Variants in BCO2 observed in about 807,000 individuals in gnomAD.
BCO2 encodes carotenoid-cleaving dioxygenase, mitochondrial.
Under a neutral mutation model 65.8 loss-of-function variants are expected in BCO2, and 56 were observed. That is an observed-to-expected ratio of 0.85 (90% CI 0.69 to 1.06). The LOEUF is 1.06. Ranked by LOEUF, BCO2 falls within the 50% of genes least tolerant of loss-of-function variation. BCO2 has a pLI of 0.00. For synonymous variants in BCO2, 233 were observed against 242.3 expected (o/e 0.96, Z 0.36); for missense variants, 675 against 698.5 (o/e 0.97, Z 0.38).
intron 5 of BCO2, among the ~76,000 whole-genome samples, chr11:112,199,428 C>T (rs1213967183): frequency 6.6e-6 from 1 of 152,126 alleles, no homozygotes; most frequent in East Asian, 1.9e-4. Context: ...CTTAATGTTT[C>T]CTACGAATTA....
At chr11:112,203,860 T>G (rs1443502152) in intron 8 of BCO2, among the ~76,000 whole-genome samples, 2 of 152,188 alleles carry the variant, frequency 1.3e-5, no homozygotes. Context: ...TTTTTTTCTT[T>G]TCTTTTTTTT....
intron 2 of BCO2, among the ~76,000 whole-genome samples, chr11:112,180,595 G>T (rs868311918): frequency 1.4e-4 from 21 of 152,074 alleles, no homozygotes; most frequent in African/African-American, 5.1e-4. Context: ...AGGAGGACTG[G>T]CTGAGCCCTG....
intron 7 of BCO2, 73 bp from the exon 8 acceptor site, chr11:112,201,950 T>G: frequency 7.4e-7 from 1 of 1,346,900 alleles, no homozygotes; most frequent in Non-Finnish European, 1.0e-6. Context: ...TTTTTGGACC[T>G]GTTTCCTAAA....
intron 8 of BCO2, among the ~76,000 whole-genome samples, chr11:112,213,206 T>C (rs1320838385): frequency 3.0e-5 from 4 of 134,764 alleles, no homozygotes; most frequent in Non-Finnish European, 3.1e-5. Flanking sequence ...TGCAATGGCA[T>C]GATCTCGGCT....
intron 2 of BCO2, chr11:112,181,579 G>A (rs958666353): frequency 3.0e-5 from 23 of 754,768 alleles, no homozygotes; most frequent in Non-Finnish European, 5.2e-5. Context: ...TAATTTATTA[G>A]GTGTGTTAGA....
intron 8 of BCO2, among the ~76,000 whole-genome samples, chr11:112,211,958 A>G (rs539136836): frequency 7.2e-5 from 11 of 152,316 alleles, no homozygotes; most frequent in South Asian, 2.1e-4. Flanking sequence ...TGGGTTAGCT[A>G]TGGTTTTGCA....
intron 4 of BCO2, chr11:112,194,447 T>C: frequency 2.0e-6 from 1 of 508,766 alleles, no homozygotes; most frequent in Non-Finnish European, 3.4e-6. Context: ...TTGTTGTTAG[T>C]AGTGGTGATG....
In BCO2 at chr11:112,199,839, G is replaced by A. The variant is rs764781849; in HGVS notation, c.865+12G>A. The A allele has an allele frequency of 1.2e-6, 2 of 1,613,154 alleles. No homozygotes were observed. Among genetic ancestry groups the A allele is most frequent in the Non-Finnish European group, 1.7e-6 (2 of 1,179,674 alleles). ...CTACCATAGCTTTGGTGAGTCCAGA[G>A]ATAAGGCAAATTTCAGTGGGCTCTG... is the stretch of plus-strand genomic sequence containing the variant. On this transcript the variant is annotated intron_variant, in intron 6 of 11. Transcript: ENST00000357685.
rs142626539 is a variant in BCO2 at position 112,191,497 on chromosome 11, C to G, written c.294-1977C>G. ...ATTCAAACAAATGTAAAGACCATCC[C>G]CTGTTCTTGAATAGAGTGATTCAAC... On this transcript the variant is annotated intron_variant, in intron 2 of 11. Coordinates refer to ENST00000357685, the MANE Select transcript of BCO2 (RefSeq NM_031938.7). Among the ~76,000 whole-genome samples, 412 of 152,164 alleles carry G rather than the reference C, an allele frequency of 2.7e-3. 1 individual carries two copies. The highest frequency in any genetic ancestry group is 4.2e-3 in the Non-Finnish European group (285 of 67,980).
chr11:112,193,153 A>G (rs1009262590), intron 2 of BCO2, among the ~76,000 whole-genome samples: 2 of 150,810 alleles, frequency 1.3e-5, no homozygotes, highest in Middle Eastern at 6.8e-3. Context: ...AATTTTTTGT[A>G]TTTTTTAGTA....
At chr11:112,182,847 A>ATG in intron 2 of BCO2, 3 of 784,134 alleles carry the variant, frequency 3.8e-6, no homozygotes, top group Non-Finnish European at 6.2e-6. Flanking sequence ...GAACTTATAT[A>ATG]TATATAAAAA....
intron 8 of BCO2, among the ~76,000 whole-genome samples, chr11:112,212,130 T>A (rs1859529177): frequency 6.6e-6 from 1 of 152,232 alleles, no homozygotes; most frequent in Non-Finnish European, 1.5e-5. Context: ...GCTACAGAGA[T>A]CATATAGACT....
chr11:112,210,798 C>G (rs1016247395), intron 8 of BCO2, among the ~76,000 whole-genome samples: 44 of 150,370 alleles, frequency 2.9e-4, no homozygotes, highest in African/African-American at 9.1e-4. Context: ...GCATGTTAAA[C>G]TAGAATAAGG....
At chr11:112,191,207 A>G (rs975291139) in intron 2 of BCO2, among the ~76,000 whole-genome samples, 20 of 151,860 alleles carry the variant, frequency 1.3e-4, no homozygotes, top group Non-Finnish European at 2.4e-4. Context: ...TATGCAAATG[A>G]TATAATATTA....
chr11:112,194,694 A>T lies in BCO2; in HGVS notation c.675A>T (p.Ala225=). 1.2e-6 allele frequency: 2 copies of T among 1,613,514 alleles called. No individual in the cohort carries two copies. The highest frequency in any genetic ancestry group is 1.7e-6 in the Non-Finnish European group (2 of 1,179,658). The part of the protein sequence containing the change: ...SKFIAVNGAT[A]HPHYDLDGTA... ...TTATTGCTGTGAATGGAGCAACTGC[A>T]CATCCTCATTATGACCTGGATGGAA... The change falls in exon 5 of 12, where the codon GCA becomes GCT. Residue 225 remains alanine, a synonymous_variant. Transcript: ENST00000357685.
intron 2 of BCO2, chr11:112,182,812 C>T (rs934495925): frequency 1.9e-4 from 126 of 650,524 alleles, no homozygotes; most frequent in East Asian, 5.5e-4. Context: ...TGTAACAAAC[C>T]GGCACGTGGT....
At chr11:112,203,333 G>A (rs1021023888) in intron 8 of BCO2, among the ~76,000 whole-genome samples, 1 of 152,102 alleles carries the variant, frequency 6.6e-6, no homozygotes, top group African/African-American at 2.4e-5. Context: ...CTTACTTATA[G>A]CTTTATGGTG....
At chr11:112,199,892 A>C (rs1162662811) in intron 6 of BCO2, 65 bp downstream of exon 6, 2 of 1,560,878 alleles carry the variant, frequency 1.3e-6, no homozygotes, top group Non-Finnish European at 1.8e-6. Context: ...CAGAAGGACT[A>C]GTCTGGCAAA....
chr11:112,190,408 A>G (rs893367241), intron 2 of BCO2, among the ~76,000 whole-genome samples: 1 of 152,242 alleles, frequency 6.6e-6, no homozygotes, highest in African/African-American at 2.4e-5. Flanking sequence ...AATTTCAAGA[A>G]TACAAGTTAG....
Sources: gnomAD v4.1 joint callset for allele counts (sites outside exome capture counted in the v4.1 genomes callset) on GRCh38, gnomAD v4.1.1 for gene constraint, MANE v1.5 for transcripts, NCBI Gene and HGNC (gene_info 2026-07-23, HGNC 2026-07-21) for gene names.